Variants in KCNH8 observed in about 807,000 individuals in gnomAD.
KCNH8 encodes the protein potassium voltage-gated channel subfamily H member 8.
Under a neutral mutation model 103.6 loss-of-function variants are expected in KCNH8, and 70 were observed. The observed-to-expected ratio is 0.68, with a 90% CI of 0.56 to 0.82. The LOEUF (loss-of-function observed/expected upper bound fraction) is 0.82, where lower values mean the gene tolerates loss of function less well. KCNH8 is among the 40% of genes least tolerant of loss of function. The pLI is 0.00. For missense variants in KCNH8, 1,217 were observed against 1,329.9 expected (o/e 0.92, Z 1.32); for synonymous variants, 498 against 489.4 (o/e 1.02, Z -0.23).
In KCNH8 at chr3:19,187,202, A is replaced by G. The variant is rs138593510; in HGVS notation, c.76+38407A>G. On this transcript the variant is annotated intron_variant, in intron 1 of 15. Coordinates refer to ENST00000328405, the MANE Select transcript of KCNH8 (RefSeq NM_144633.3). ...GATTAACATTTAACCAATAGAGAAT[A>G]TACTGAAAAACTCATAACTAAAATC... is the stretch of plus-strand genomic sequence containing the variant. Among the ~76,000 whole-genome samples the G allele has an allele frequency of 7.2e-4, 110 of 152,114 alleles. 2 individuals are homozygous for G. In the East Asian group the frequency reaches 0.013, roughly 18 times the overall value.
chr3:19,202,828 G>C (rs1416527904), intron 1 of KCNH8, among the ~76,000 whole-genome samples: 1 of 152,040 alleles, frequency 6.6e-6, no homozygotes, highest in East Asian at 1.9e-4. Flanking sequence ...TAAATTTATA[G>C]TTATTAAAAA....
intron 1 of KCNH8, among the ~76,000 whole-genome samples, chr3:19,179,261 A>C (rs2063428988): frequency 1.3e-5 from 2 of 152,126 alleles, no homozygotes; most frequent in Admixed American, 6.5e-5. Flanking sequence ...AAAATACCAT[A>C]TATGAATTAT....
intron 1 of KCNH8, among the ~76,000 whole-genome samples, chr3:19,240,627 A>C (rs1402188804): frequency 1.3e-5 from 2 of 151,038 alleles, no homozygotes; most frequent in African/African-American, 2.5e-5. Flanking sequence ...AAAAAAAAAA[A>C]CAAAAAAAAC....
chr3:19,354,718 A>G, intron 5 of KCNH8, among the ~76,000 whole-genome samples: 1 of 152,228 alleles, frequency 6.6e-6, no homozygotes, highest in Non-Finnish European at 1.5e-5. Context: ...TACACCTTAT[A>G]CAAAAATTAA....
At chr3:19,176,577 A>G (rs753653019) in intron 1 of KCNH8, among the ~76,000 whole-genome samples, 1 of 152,084 alleles carries the variant, frequency 6.6e-6, no homozygotes, top group Non-Finnish European at 1.5e-5. Context: ...TAATAGAAAT[A>G]TTTTCTTCCT....
chr3:19,156,660 T>G (rs1391718606), intron 1 of KCNH8, among the ~76,000 whole-genome samples: 1 of 152,194 alleles, frequency 6.6e-6, no homozygotes, highest in Non-Finnish European at 1.5e-5. Context: ...TTGAGATTTT[T>G]CTGTTTAGAA....
At chr3:19,466,594 A>G (rs2067740436) in intron 11 of KCNH8, among the ~76,000 whole-genome samples, 1 of 151,808 alleles carries the variant, frequency 6.6e-6, no homozygotes, top group Admixed American at 6.6e-5. Context: ...TTCACCAACA[A>G]AGAGATTATA....
At chr3:19,357,539 C>G (rs1256055699) in intron 5 of KCNH8, among the ~76,000 whole-genome samples, 2 of 151,780 alleles carry the variant, frequency 1.3e-5, no homozygotes, top group Non-Finnish European at 2.9e-5. Context: ...ATTTCAAAGG[C>G]TCTAAGTTAT....
intron 3 of KCNH8, among the ~76,000 whole-genome samples, chr3:19,283,422 CATTA>C (rs1297798792): frequency 2.0e-5 from 3 of 152,144 alleles, no homozygotes; most frequent in African/African-American, 7.2e-5. Flanking sequence ...ACACTTTTAA[CATTA>C]ATTATATTGT....
intron 5 of KCNH8, among the ~76,000 whole-genome samples, chr3:19,373,677 T>C (rs1490137483): frequency 6.6e-6 from 1 of 151,916 alleles, no homozygotes; most frequent in East Asian, 1.9e-4. Context: ...CTCTTGCTTT[T>C]CTAGTTCTTT....
In KCNH8 at chr3:19,301,627, G is replaced by A. The variant is rs532827900; in HGVS notation, c.442+20298G>A. Among the ~76,000 whole-genome samples, 1,044 of 152,168 alleles carry A rather than the reference G, an allele frequency of 6.9e-3. 13 individuals are homozygous for A. Among genetic ancestry groups the A allele is most frequent in the African/African-American group, 0.024 (1,006 of 41,526 alleles). On this transcript the variant is annotated intron_variant, in intron 3 of 15. Coordinates refer to ENST00000328405, the MANE Select transcript of KCNH8 (RefSeq NM_144633.3). ...CCAATTCTCTGTGGACACCAAGTGGGTGTCCTGTAATTTAATTCAATTCTG... is the reference window on the plus strand; with the variant it reads ...CCAATTCTCTGTGGACACCAAGTGGATGTCCTGTAATTTAATTCAATTCTG...
At chr3:19,474,273 G>T (rs1010055520) in intron 11 of KCNH8, among the ~76,000 whole-genome samples, 10 of 152,148 alleles carry the variant, frequency 6.6e-5, no homozygotes, top group Admixed American at 3.3e-4. Context: ...CCCCAAAAGG[G>T]TGTAGACAGC....
At chr3:19,532,695 C>T (rs145859424) in intron 15 of KCNH8, among the ~76,000 whole-genome samples, 17 of 152,288 alleles carry the variant, frequency 1.1e-4, no homozygotes, top group South Asian at 4.2e-4. Flanking sequence ...CCAGGGGAAG[C>T]GAAATATATC....
intron 5 of KCNH8, among the ~76,000 whole-genome samples, chr3:19,363,783 T>G (rs1383548683): frequency 1.3e-5 from 2 of 151,982 alleles, no homozygotes; most frequent in African/African-American, 2.4e-5. Flanking sequence ...CCTGAAAGGG[T>G]ATGGACTTTT....
chr3:19,515,910 T>C (rs1424151032), intron 14 of KCNH8, among the ~76,000 whole-genome samples: 1 of 152,070 alleles, frequency 6.6e-6, no homozygotes. Flanking sequence ...AACTATGTGA[T>C]GTGTTAACCT....
At chr3:19,295,225 G>GA (rs898376397) in intron 3 of KCNH8, among the ~76,000 whole-genome samples, 3 of 151,286 alleles carry the variant, frequency 2.0e-5, no homozygotes, top group Non-Finnish European at 4.4e-5. Context: ...ACAAAACATT[G>GA]AAAAAAAATT....
chr3:19,450,390 G>A (rs771566183), intron 9 of KCNH8, 85 bp downstream of exon 9: 1 of 1,049,470 alleles, frequency 9.5e-7, no homozygotes, highest in South Asian at 1.3e-5. Flanking sequence ...GGTATCAGAA[G>A]TGAAAAGCAT....
chr3:19,157,124 AT>A (rs911644255), intron 1 of KCNH8, among the ~76,000 whole-genome samples: 5 of 152,008 alleles, frequency 3.3e-5, no homozygotes, highest in African/African-American at 1.2e-4. Flanking sequence ...ACCATGTTTT[AT>A]TTGATTTTCT....
intron 11 of KCNH8, among the ~76,000 whole-genome samples, chr3:19,470,186 C>A (rs975942733): frequency 6.6e-6 from 1 of 152,024 alleles, no homozygotes; most frequent in Non-Finnish European, 1.5e-5. Flanking sequence ...AAACAATAGA[C>A]ATTCAACTCA....
Sources: gnomAD v4.1 joint callset for allele counts (sites outside exome capture counted in the v4.1 genomes callset) on GRCh38, gnomAD v4.1.1 for gene constraint, MANE v1.5 for transcripts, NCBI Gene and HGNC (gene_info 2026-07-23, HGNC 2026-07-21) for gene names.